Variants in SLC22A25 observed in about 807,000 individuals in gnomAD.
The protein encoded by SLC22A25 is MGI:2442751, MGI:2385316, MGI:3042283, MGI:3645714, MGI:3605624, MGI:2442750.
Under a neutral mutation model 45.9 loss-of-function variants are expected in SLC22A25, and 44 were observed. That is an observed-to-expected ratio of 0.96 (90% CI 0.75 to 1.23). The LOEUF (loss-of-function observed/expected upper bound fraction) is 1.23, where lower values mean the gene tolerates loss of function less well. SLC22A25 is among the 50% of genes most tolerant of loss of function. The pLI is 0.00. For missense variants in SLC22A25, 800 were observed against 666.4 expected (o/e 1.20, Z -2.21); for synonymous variants, 283 against 238.6 (o/e 1.19, Z -1.72).
At chr11:63,191,908 T>C (rs559107702) in intron 7 of SLC22A25, among the ~76,000 whole-genome samples, 1 of 152,272 alleles carries the variant, frequency 6.6e-6, no homozygotes, top group East Asian at 1.9e-4. Context: ...TTTCAGGATA[T>C]CTTCCATAAG....
intron 7 of SLC22A25, among the ~76,000 whole-genome samples, chr11:63,193,703 G>C (rs2088896318): frequency 6.6e-6 from 1 of 152,218 alleles, no homozygotes; most frequent in Admixed American, 6.5e-5. Flanking sequence ...ACAAAGATGG[G>C]GAGAAACAAG....
chr11:63,164,003 G>A lies in SLC22A25; in HGVS notation c.1465C>T (p.Leu489=). 6.2e-7 allele frequency: 1 copy of A among 1,613,752 alleles called. No homozygotes were observed. Among genetic ancestry groups the A allele is most frequent in the Non-Finnish European group, 8.5e-7 (1 of 1,179,808 alleles). Residue 489 remains leucine (L), a synonymous_variant, in exon 12 of 12, where the codon CTA becomes TTA. Transcript: ENST00000306494. ...GGALASLMMI[L]SIYSRPLPWI... ...GGCAGGGGTCGAGAATATATGCTTA[G>A]GATCATCATGAGGGAAGCCAGGGCT...
chr11:63,235,452 G>A lies in SLC22A25; in HGVS notation c.-445+2429C>T, dbSNP rs527694863. On this transcript the variant is annotated intron_variant, in intron 3 of 11. Coordinates refer to ENST00000306494, the MANE Select transcript of SLC22A25 (RefSeq NM_199352.6). Reference sequence around the variant, plus strand: ...TTGATCGCATTGTTTACTGAGACTTGTGCATTTGTCACGTAGTTCTTGTGC... The same window carrying A: ...TTGATCGCATTGTTTACTGAGACTTATGCATTTGTCACGTAGTTCTTGTGC... Among the ~76,000 whole-genome samples the A allele has an allele frequency of 7.6e-4, 116 of 152,228 alleles. 4 individuals are homozygous for A. In the South Asian group the frequency reaches 0.024, roughly 31 times the overall value.
chr11:63,215,892 G>A (rs931777159), intron 7 of SLC22A25, among the ~76,000 whole-genome samples: 2 of 152,072 alleles, frequency 1.3e-5, no homozygotes, highest in Admixed American at 1.3e-4. Context: ...TCTTGTATTA[G>A]TTTGCTAAGG....
intron 9 of SLC22A25, among the ~76,000 whole-genome samples, chr11:63,176,187 G>A (rs1189781319): frequency 6.6e-6 from 1 of 151,974 alleles, no homozygotes; most frequent in Non-Finnish European, 1.5e-5. Context: ...TCTCAAGGTA[G>A]TTTTATCTAT....
Position 63,164,050 on chromosome 11 carries a change from C to T in SLC22A25, c.1418G>A (p.Gly473Glu). The T allele has an allele frequency of 6.2e-7, 1 of 1,604,396 alleles. No homozygotes were observed. Among genetic ancestry groups the T allele is most frequent in the African/African-American group, 1.3e-5 (1 of 74,658 alleles). ...IIRGRATGIT[G>E]NFANIGGALA... ...GGCTCCCCCAATATTAGCAAAGTTT[C>T]CAGTGATTCCAGTAGCTCTTCCCCT... The change falls in exon 12 of 12, where the codon GGA becomes GAA. Residue 473 changes from glycine (G) to glutamate (E), a missense_variant. Gly to Glu is a moderately conservative substitution (Grantham distance 98, BLOSUM62 -2). Coordinates refer to ENST00000306494, the MANE Select transcript of SLC22A25 (RefSeq NM_199352.6).
At chr11:63,241,522 A>G (rs755093200) in intron 1 of SLC22A25, among the ~76,000 whole-genome samples, 1 of 152,128 alleles carries the variant, frequency 6.6e-6, no homozygotes, top group Non-Finnish European at 1.5e-5. Flanking sequence ...GGTCCAGTCC[A>G]TCAAACAAAG....
rs1026553196 is a variant in SLC22A25 at position 63,230,050 on chromosome 11, G to C, written c.-398C>G. ...TGCTACTTGGTATGCAGTCTTTCCA[G>C]AACGTGTAATCTGTGGGACTCAAAG... On this transcript the variant is annotated 5_prime_UTR_variant, in exon 4 of 12. Coordinates refer to ENST00000306494, the MANE Select transcript of SLC22A25 (RefSeq NM_199352.6). Among the ~76,000 whole-genome samples the C allele has an allele frequency of 6.6e-6, 1 of 152,164 alleles. No individual in the cohort carries two copies.
chr11:63,239,522 C>T (rs1565132560), intron 1 of SLC22A25, among the ~76,000 whole-genome samples: 1 of 152,122 alleles, frequency 6.6e-6, no homozygotes, highest in Admixed American at 6.5e-5. Flanking sequence ...TTGTGACAAT[C>T]AAAAGGGATG....
chr11:63,222,295 A>T (rs2089870916), intron 5 of SLC22A25, among the ~76,000 whole-genome samples: 1 of 151,996 alleles, frequency 6.6e-6, no homozygotes, highest in African/African-American at 2.4e-5. Flanking sequence ...GTCCCATTCA[A>T]TTTATTTCGC....
chr11:63,206,501 C>T (rs2089407905), intron 7 of SLC22A25, among the ~76,000 whole-genome samples: 1 of 152,138 alleles, frequency 6.6e-6, no homozygotes, highest in Non-Finnish European at 1.5e-5. Context: ...AATAGAAAAA[C>T]AGAGAGCCAA....
At chr11:63,234,965 C>G (rs902286392) in intron 3 of SLC22A25, among the ~76,000 whole-genome samples, 3 of 152,002 alleles carry the variant, frequency 2.0e-5, no homozygotes, top group Non-Finnish European at 4.4e-5. Flanking sequence ...GAATATTGGC[C>G]CCCCCTCTCT....
At chr11:63,219,286 C>A (rs1170697917) in intron 5 of SLC22A25, among the ~76,000 whole-genome samples, 1 of 128,778 alleles carries the variant, frequency 7.8e-6, no homozygotes, top group Non-Finnish European at 1.7e-5. Context: ...TTTAAAATGG[C>A]AATTTTACCA....
Position 63,160,989 on chromosome 11 carries a change from A to C in SLC22A25, c.*2835T>G, listed in dbSNP as rs1190400007. ...TTTGACCCAACAGTTCCACTGCACC[A>C]TTGTATTAGTCCATTTTCAAGCTGC... On this transcript the variant is annotated 3_prime_UTR_variant, in exon 12 of 12. Transcript: ENST00000306494. 1.3e-5 allele frequency among the ~76,000 whole-genome samples: 2 copies of C among 152,214 alleles called. No individual in the cohort carries two copies. The highest frequency in any genetic ancestry group is 3.8e-4 in the East Asian group (2 of 5,196).
At chr11:63,174,813 C>T (rs2088026930) in intron 9 of SLC22A25, among the ~76,000 whole-genome samples, 1 of 152,082 alleles carries the variant, frequency 6.6e-6, no homozygotes, top group Non-Finnish European at 1.5e-5. Flanking sequence ...CCCTCTGCCC[C>T]AGGAAACTAT....
intron 1 of SLC22A25, among the ~76,000 whole-genome samples, chr11:63,240,707 G>A (rs1472730419): frequency 6.6e-6 from 1 of 151,610 alleles, no homozygotes; most frequent in African/African-American, 2.4e-5. Context: ...TCTCACATTG[G>A]CCTAAGCCTA....
chr11:63,175,161 G>A (rs1443848432), intron 9 of SLC22A25, among the ~76,000 whole-genome samples: 1 of 152,098 alleles, frequency 6.6e-6, no homozygotes, highest in Non-Finnish European at 1.5e-5. Context: ...AGTAGGATTG[G>A]TGAATCATAT....
intron 7 of SLC22A25, among the ~76,000 whole-genome samples, chr11:63,190,513 A>C (rs866956965): frequency 2.0e-5 from 3 of 151,172 alleles, no homozygotes; most frequent in African/African-American, 7.3e-5. Flanking sequence ...GGCTCGGAGT[A>C]GTTTGATCAT....
chr11:63,234,155 G>A (rs1469891800), intron 3 of SLC22A25, among the ~76,000 whole-genome samples: 19 of 152,120 alleles, frequency 1.2e-4, no homozygotes, highest in South Asian at 2.1e-4. Context: ...TATTAGGTCC[G>A]CTTGGTGCAG....
Sources: gnomAD v4.1 joint callset for allele counts (sites outside exome capture counted in the v4.1 genomes callset) on GRCh38, gnomAD v4.1.1 for gene constraint, MANE v1.5 for transcripts, NCBI Gene and HGNC (gene_info 2026-07-23, HGNC 2026-07-21) for gene names.